The following SCFD2 variants were observed in gnomAD, a reference collection of about 807,000 sequenced individuals.
SCFD2 encodes sec1 family domain-containing protein 2.
Under a neutral mutation model 58.9 loss-of-function variants are expected in SCFD2, and 54 were observed. The observed-to-expected ratio is 0.92, with a 90% CI of 0.74 to 1.15. The LOEUF is 1.15. Ranked by LOEUF, SCFD2 falls within the 50% of genes most tolerant of loss-of-function variation. The probability of loss-of-function intolerance (pLI) is 0.00; values close to 1 mark genes in which losing one functional copy is unlikely to be tolerated. For synonymous variants in SCFD2, 321 were observed against 335.9 expected, an observed-to-expected ratio of 0.96 and a Z score of 0.49; for missense variants, 805 against 836.6, an observed-to-expected ratio of 0.96 and a Z score of 0.47.
intron 4 of SCFD2, among the ~76,000 whole-genome samples, chr4:53,215,532 A>G (rs866007211): frequency 5.3e-5 from 8 of 152,132 alleles, no homozygotes; most frequent in African/African-American, 1.4e-4. Context: ...TTATCAGCTG[A>G]AGGAGATTTT....
chr4:53,307,612 T>G (rs1255546848), intron 3 of SCFD2, among the ~76,000 whole-genome samples: 1 of 152,076 alleles, frequency 6.6e-6, no homozygotes, highest in Non-Finnish European at 1.5e-5. Flanking sequence ...AAAAGAGAAC[T>G]CCAAGGTACC....
chr4:53,089,864 C>A (rs1724421191), intron 5 of SCFD2, among the ~76,000 whole-genome samples: 1 of 152,150 alleles, frequency 6.6e-6, no homozygotes, highest in Admixed American at 6.6e-5. Context: ...TGCTTGCCAT[C>A]ATTTCTTAAG....
chr4:53,287,184 G>A (rs1731696137), intron 3 of SCFD2, among the ~76,000 whole-genome samples: 1 of 152,096 alleles, frequency 6.6e-6, no homozygotes, highest in African/African-American at 2.4e-5. Context: ...GCTTCAGTTA[G>A]TGAACCTGTG....
At position 52,885,779 on chromosome 4, in the gene SCFD2, C is replaced by T; in HGVS notation, c.1930G>A (p.Asp644Asn). The T allele has an allele frequency of 6.2e-7, 1 of 1,614,112 alleles. No homozygotes were observed. Among genetic ancestry groups the T allele is most frequent in the Non-Finnish European group, 8.5e-7 (1 of 1,179,986 alleles). The part of the protein sequence containing the change: ...VTVSEVKMVK[D>N]LVASLKPGTQ... Reference sequence around the variant, plus strand: ...CCTGGCTTCAACGATGCCACAAGATCTTTGACCATTTTCACTTCAGAGACT... The same window carrying T: ...CCTGGCTTCAACGATGCCACAAGATTTTTGACCATTTTCACTTCAGAGACT... Residue 644 changes from aspartate to asparagine, a missense_variant, in exon 8 of 9, where the codon GAT (aspartate) becomes AAT (asparagine). By Grantham distance (23) the Asp-to-Asn change is conservative (BLOSUM62 1). Coordinates refer to ENST00000401642, the MANE Select transcript of SCFD2 (RefSeq NM_152540.4).
chr4:53,054,723 G>A (rs1345650724), intron 5 of SCFD2, among the ~76,000 whole-genome samples: 1 of 151,866 alleles, frequency 6.6e-6, no homozygotes, highest in Non-Finnish European at 1.5e-5. Context: ...CACAATCACA[G>A]CTGCTTAGCA....
At chr4:53,026,364 C>T (rs918867725) in intron 5 of SCFD2, among the ~76,000 whole-genome samples, 18 of 152,280 alleles carry the variant, frequency 1.2e-4, no homozygotes, top group Middle Eastern at 3.4e-3. Flanking sequence ...ACTGTGCTTC[C>T]GACGCCTAGC....
chr4:53,013,174 A>C (rs1722136865), intron 5 of SCFD2, among the ~76,000 whole-genome samples: 1 of 152,226 alleles, frequency 6.6e-6, no homozygotes, highest in Non-Finnish European at 1.5e-5. Context: ...TTCTTCCTTT[A>C]CACCTACAGT....
At chr4:53,326,834 T>C (rs952862562) in intron 2 of SCFD2, among the ~76,000 whole-genome samples, 1 of 152,182 alleles carries the variant, frequency 6.6e-6, no homozygotes, top group African/African-American at 2.4e-5. Context: ...TTAGTTGTCA[T>C]TAATCTGTAT....
intron 3 of SCFD2, among the ~76,000 whole-genome samples, chr4:53,302,969 T>A (rs1161233377): frequency 6.6e-6 from 1 of 152,194 alleles, no homozygotes; most frequent in Non-Finnish European, 1.5e-5. Context: ...ATTAAAGACT[T>A]ACATGTTAGA....
At chr4:52,889,981 G>C (rs1718844276) in intron 7 of SCFD2, among the ~76,000 whole-genome samples, 1 of 152,216 alleles carries the variant, frequency 6.6e-6, no homozygotes, top group Non-Finnish European at 1.5e-5. Context: ...AGTAAATGTT[G>C]CATGAATGAA....
intron 5 of SCFD2, among the ~76,000 whole-genome samples, chr4:53,012,719 G>A (rs1410317957): frequency 2.6e-5 from 4 of 151,422 alleles, no homozygotes; most frequent in Admixed American, 6.6e-5. Flanking sequence ...CTAGCCAGTC[G>A]GCAAAAAAGG....
At chr4:53,072,669 A>G (rs1723854313) in intron 5 of SCFD2, among the ~76,000 whole-genome samples, 1 of 152,084 alleles carries the variant, frequency 6.6e-6, no homozygotes, top group Admixed American at 6.6e-5. Flanking sequence ...CACCTGGTCC[A>G]ACCAATCTTT....
At chr4:53,129,002 C>A (rs1383737752) in intron 5 of SCFD2, among the ~76,000 whole-genome samples, 2 of 152,116 alleles carry the variant, frequency 1.3e-5, no homozygotes, top group Non-Finnish European at 2.9e-5. Flanking sequence ...TTAACTACCA[C>A]AACACAAATA....
intron 4 of SCFD2, among the ~76,000 whole-genome samples, chr4:53,238,432 C>A (rs564348092): frequency 7.0e-6 from 1 of 142,938 alleles, no homozygotes; most frequent in African/African-American, 2.6e-5. Flanking sequence ...CCCGGATGGG[C>A]GGCTGGCCGG....
At chr4:53,275,625 C>T (rs1243966808) in intron 3 of SCFD2, among the ~76,000 whole-genome samples, 3 of 152,156 alleles carry the variant, frequency 2.0e-5, no homozygotes, top group African/African-American at 7.2e-5. Context: ...AAATACAGAA[C>T]ATTCCCATCA....
chr4:53,344,857 C>T (rs1407443404), intron 2 of SCFD2, among the ~76,000 whole-genome samples: 6 of 152,154 alleles, frequency 3.9e-5, no homozygotes, highest in Non-Finnish European at 8.8e-5. Flanking sequence ...GAAAGGATTC[C>T]CTATTTAATA....
chr4:53,178,843 G>A (rs1332728106), intron 4 of SCFD2, among the ~76,000 whole-genome samples: 4 of 152,186 alleles, frequency 2.6e-5, no homozygotes, highest in East Asian at 1.9e-4. Context: ...CGAGAGCTAC[G>A]TGATGAACGC....
intron 5 of SCFD2, among the ~76,000 whole-genome samples, chr4:52,944,640 T>C (rs1222054222): frequency 6.6e-6 from 1 of 152,264 alleles, no homozygotes; most frequent in Non-Finnish European, 1.5e-5. Context: ...AGGACAAAAC[T>C]GCCTGGTCTC....
At chr4:53,340,354 C>T (rs1031929911) in intron 2 of SCFD2, among the ~76,000 whole-genome samples, 4 of 152,188 alleles carry the variant, frequency 2.6e-5, no homozygotes, top group South Asian at 4.1e-4. Flanking sequence ...CACAAAGCCT[C>T]GCTCATTGCT....
Sources: allele counts gnomAD v4.1 joint callset (sites outside exome capture counted in the v4.1 genomes callset), GRCh38; gene constraint gnomAD v4.1.1; transcripts MANE v1.5; gene names NCBI Gene and HGNC (gene_info 2026-07-23, HGNC 2026-07-21).